Variants in GABRG3 observed in about 807,000 individuals in gnomAD.
GABRG3 encodes the protein gamma-aminobutyric acid receptor subunit gamma-3.
In GABRG3, 25 loss-of-function variants were observed where a neutral mutation model predicts 48.8. That is an observed-to-expected ratio of 0.51 (90% CI 0.37 to 0.72). GABRG3 has a LOEUF of 0.72. Ranked by LOEUF, GABRG3 falls within the 30% of genes least tolerant of loss-of-function variation. The pLI is 0.00. For synonymous variants in GABRG3, 227 were observed against 217.6 expected (o/e 1.04, Z -0.38); for missense variants, 394 against 577.9 (o/e 0.68, Z 3.26).
At chr15:27,505,312 A>G (rs1301013292) in intron 6 of GABRG3, among the ~76,000 whole-genome samples, 1 of 152,188 alleles carries the variant, frequency 6.6e-6, no homozygotes, top group Non-Finnish European at 1.5e-5. Flanking sequence ...TCACTTGGTT[A>G]AAGTGCTGTC....
intron 3 of GABRG3, among the ~76,000 whole-genome samples, chr15:27,297,932 CAT>C (rs1892056819): frequency 6.6e-6 from 1 of 151,638 alleles, no homozygotes; most frequent in African/African-American, 2.4e-5. Context: ...TAAAGGGTAA[CAT>C]GTATATTGAA....
In GABRG3 at chr15:27,535,714, C is replaced by CTCCTGAGATGAGCCTTTTCAG. The variant is rs1194981778; in HGVS notation, c.*2837_*2857dup. ...TTCAAGTTCTCCATATCAGTCTCAACTCCTGAGATGAGCCTTTTCAGTCCA... is the reference window on the plus strand; with the variant it reads ...TTCAAGTTCTCCATATCAGTCTCAACTCCTGAGATGAGCCTTTTCAGTCCTGAGATGAGCCTTTTCAGTCCA... On this transcript the variant is annotated 3_prime_UTR_variant, in exon 10 of 10. Coordinates refer to ENST00000615808, the MANE Select transcript of GABRG3 (RefSeq NM_033223.5). The CTCCTGAGATGAGCCTTTTCAG allele has an allele frequency of 6.6e-6, 1 of 152,306 alleles. No individual in the cohort carries two copies. The highest frequency in any genetic ancestry group is 2.4e-5 in the African/African-American group (1 of 41,476). The allele number at this position is 152,306 out of a possible 1,614,324, so 9.4% of individuals were successfully genotyped here. A position where few individuals can be genotyped will look rare whatever the true frequency, so the allele number is the denominator to read the frequency against.
chr15:27,321,003 C>T (rs2140514570), intron 3 of GABRG3, among the ~76,000 whole-genome samples: 1 of 152,348 alleles, frequency 6.6e-6, no homozygotes, highest in Non-Finnish European at 1.5e-5. Context: ...CCGGGCCTGT[C>T]ACTAACCCTT....
intron 5 of GABRG3, among the ~76,000 whole-genome samples, chr15:27,336,268 A>G (rs1350281121): frequency 2.0e-5 from 3 of 151,656 alleles, no homozygotes; most frequent in Admixed American, 6.6e-5. Flanking sequence ...AGAAAGAAAG[A>G]AAGGAAGGAG....
At chr15:27,072,006 G>A (rs554321728) in intron 3 of GABRG3, among the ~76,000 whole-genome samples, 1 of 152,292 alleles carries the variant, frequency 6.6e-6, no homozygotes, top group East Asian at 1.9e-4. Flanking sequence ...AAGCAAAGCC[G>A]CACAAAGAGC....
rs372018562 is a variant in GABRG3, at chr15:27,256,419, C to G, written c.271-70390C>G. Among the ~76,000 whole-genome samples the G allele has an allele frequency of 9.3e-4, 128 of 137,794 alleles. 1 individual carries two copies. The highest frequency in any genetic ancestry group is 1.3e-3 in the East Asian group (6 of 4,718). The allele number at this position is 137,794 out of a possible 152,430, so 90.4% of individuals were successfully genotyped here. ...TGGCGCCACTGCACTCCAGCCTGGG[C>G]GACAGAGCAAGACTCCGTCTCAAAA... is the stretch of plus-strand genomic sequence containing the variant. On this transcript the variant is annotated intron_variant, in intron 3 of 9. Coordinates refer to ENST00000615808, the MANE Select transcript of GABRG3 (RefSeq NM_033223.5).
chr15:27,433,781 A>G (rs532306184), intron 5 of GABRG3, among the ~76,000 whole-genome samples: 1 of 152,344 alleles, frequency 6.6e-6, no homozygotes, highest in Non-Finnish European at 1.5e-5. Flanking sequence ...CTCACAGGCC[A>G]CCTGCCTCCA....
rs1233147578 is a variant in GABRG3 at position 27,536,263 on chromosome 15, C to T, written c.*3382C>T. The T allele has an allele frequency of 1.3e-5, 2 of 152,204 alleles. No homozygotes were observed. Among genetic ancestry groups the T allele is most frequent in the Admixed American group, 6.5e-5 (1 of 15,280 alleles). The allele number at this position is 152,204 out of a possible 1,614,324, so 9.4% of individuals were successfully genotyped here. ...AGCTTCAGCTTCTGCAAAGTCCCAA[C>T]ACCACCTACCAGAACAGAGACTCCC... is the stretch of plus-strand genomic sequence containing the variant. On this transcript the variant is annotated 3_prime_UTR_variant, in exon 10 of 10. Transcript: ENST00000615808.
At chr15:27,257,616 A>G (rs1054851481) in intron 3 of GABRG3, among the ~76,000 whole-genome samples, 1 of 152,180 alleles carries the variant, frequency 6.6e-6, no homozygotes, top group Admixed American at 6.5e-5. Context: ...TCCCAGCACC[A>G]TTTATTGAAG....
At chr15:27,213,726 T>C (rs1365907168) in intron 3 of GABRG3, among the ~76,000 whole-genome samples, 1 of 152,232 alleles carries the variant, frequency 6.6e-6, no homozygotes, top group Non-Finnish European at 1.5e-5. Context: ...CATGAAGTTA[T>C]ATTTCCAAAG....
chr15:27,389,897 C>A (rs190563267), intron 5 of GABRG3, among the ~76,000 whole-genome samples: 1 of 152,118 alleles, frequency 6.6e-6, no homozygotes, highest in Non-Finnish European at 1.5e-5. Context: ...AAACTGCCTG[C>A]AGGGCATAAA....
chr15:27,278,093 C>T (rs1273522147), intron 3 of GABRG3, among the ~76,000 whole-genome samples: 2 of 151,688 alleles, frequency 1.3e-5, no homozygotes, highest in African/African-American at 2.4e-5. Context: ...ACTGTGTTGC[C>T]CAGGCTGGAG....
chr15:27,038,942 C>T (rs1276688600), intron 3 of GABRG3, among the ~76,000 whole-genome samples: 1 of 152,162 alleles, frequency 6.6e-6, no homozygotes, highest in Non-Finnish European at 1.5e-5. Context: ...CAAGGTGGCG[C>T]CTTATCAAAG....
At chr15:27,088,849 A>C (rs188443862) in intron 3 of GABRG3, among the ~76,000 whole-genome samples, 8 of 152,224 alleles carry the variant, frequency 5.3e-5, no homozygotes, top group Non-Finnish European at 8.8e-5. Flanking sequence ...GCGGTGCTGC[A>C]CTTTGCAGTA....
chr15:27,059,728 G>T (rs1274636748), intron 3 of GABRG3, among the ~76,000 whole-genome samples: 1 of 152,172 alleles, frequency 6.6e-6, no homozygotes, highest in East Asian at 1.9e-4. Flanking sequence ...TCCTGCCATG[G>T]GCATAGGTCT....
At position 27,180,731 on chromosome 15, in the gene GABRG3, A is replaced by C. The variant is rs1566956537; in HGVS notation, c.271-146078A>C. ...AAACAGAAACCTATTTTCTTTAATT[A>C]TTTTACTAATTTCTACTTGATACCT... On this transcript the variant is annotated intron_variant, in intron 3 of 9. Coordinates refer to ENST00000615808, the MANE Select transcript of GABRG3 (RefSeq NM_033223.5). This position sits in a 1 kb window ranked among gnomAD's most constrained non-coding sequence, Gnocchi z 4.2. Among the ~76,000 whole-genome samples, 1 of 152,062 alleles carries C rather than the reference A, an allele frequency of 6.6e-6. No homozygotes were observed. Among genetic ancestry groups the C allele is most frequent in the African/African-American group, 2.4e-5 (1 of 41,406 alleles).
intron 2 of GABRG3, among the ~76,000 whole-genome samples, chr15:26,988,457 G>T (rs1895188835): frequency 6.6e-6 from 1 of 152,050 alleles, no homozygotes. Context: ...AGCCACTTCA[G>T]CTTTTCTTTG....
intron 3 of GABRG3, among the ~76,000 whole-genome samples, chr15:27,291,215 A>G (rs564691075): frequency 2.4e-4 from 36 of 152,238 alleles, no homozygotes; most frequent in Non-Finnish European, 4.3e-4. Context: ...GCAACATTTC[A>G]TAACTGAGTA....
chr15:27,044,811 A>C (rs1896334879), intron 3 of GABRG3, among the ~76,000 whole-genome samples: 1 of 152,218 alleles, frequency 6.6e-6, no homozygotes, highest in Admixed American at 6.5e-5. Context: ...AACCTGGTTT[A>C]ACCAGTTGGC....
Sources: gnomAD v4.1 joint callset for allele counts (sites outside exome capture counted in the v4.1 genomes callset) on GRCh38, gnomAD v4.1.1 for gene constraint, Gnocchi (gnomAD v3.1) non-coding constraint, MANE v1.5 for transcripts, NCBI Gene and HGNC (gene_info 2026-07-23, HGNC 2026-07-21) for gene names.